The following RASA1 variants were observed in gnomAD, a reference collection of about 807,000 sequenced individuals.
RASA1 encodes ras GTPase-activating protein 1.
A neutral mutation model predicts 132.2 loss-of-function variants in RASA1; 25 were observed. That is an observed-to-expected ratio of 0.19 (90% CI 0.14 to 0.26). The LOEUF is 0.26. Ranked by LOEUF, RASA1 falls within the 10% of genes least tolerant of loss-of-function variation. RASA1 has a pLI of 1.00. For missense variants in RASA1, 964 were observed against 1,299.2 expected (o/e 0.74, Z 3.97); for synonymous variants, 477 against 449.9 (o/e 1.06, Z -0.76).
Position 87,287,148 on chromosome 5 carries a change from G to T in RASA1, c.539+18158G>T, listed in dbSNP as rs182248545. Among the ~76,000 whole-genome samples, 428 of 95,826 alleles carry T rather than the reference G, an allele frequency of 4.5e-3. 6 individuals are homozygous for T. Among genetic ancestry groups the T allele is most frequent in the African/African-American group, 0.018 (414 of 23,472 alleles). 62.9% of individuals were successfully genotyped at this position (95,826 alleles called of 152,430 possible). ...TACACACCATATATATATACACACC[G>T]TATATATACACTGTATATATACACA... is the stretch of plus-strand genomic sequence containing the variant. On this transcript the variant is annotated intron_variant, in intron 1 of 24. Transcript: ENST00000274376.
At chr5:87,309,802 T>G (rs945471596) in intron 1 of RASA1, among the ~76,000 whole-genome samples, 1 of 152,160 alleles carries the variant, frequency 6.6e-6, no homozygotes, top group African/African-American at 2.4e-5. Context: ...AAAAATACTT[T>G]AACTTGTTTA....
At chr5:87,275,038 A>G (rs1006171685) in intron 1 of RASA1, among the ~76,000 whole-genome samples, 8 of 152,180 alleles carry the variant, frequency 5.3e-5, no homozygotes, top group Admixed American at 1.3e-4. Context: ...ACAGGCAAAC[A>G]TTACTGGCAA....
intron 24 of RASA1, 101 bp from the exon 25 acceptor site, chr5:87,390,699 C>A: frequency 1.1e-6 from 1 of 877,288 alleles, no homozygotes; most frequent in Non-Finnish European, 1.9e-6. Context: ...ATATTTTATG[C>A]ATCCTTTTGC....
intron 4 of RASA1, 100 bp from the exon 5 acceptor site, chr5:87,337,874 C>G: frequency 8.1e-7 from 1 of 1,239,228 alleles, no homozygotes; most frequent in Non-Finnish European, 1.1e-6. Context: ...TTACATTTTT[C>G]AATATAATAC....
At chr5:87,278,721 T>TGC (rs1385319127) in intron 1 of RASA1, among the ~76,000 whole-genome samples, 1 of 152,118 alleles carries the variant, frequency 6.6e-6, no homozygotes, top group East Asian at 1.9e-4. Context: ...TTTGTGTGTG[T>TGC]GCATGTATGT....
chr5:87,275,681 C>T (rs565212777), intron 1 of RASA1, among the ~76,000 whole-genome samples: 3 of 152,226 alleles, frequency 2.0e-5, no homozygotes, highest in African/African-American at 7.2e-5. Flanking sequence ...AGCATTTCTC[C>T]TGTCTCAGCC....
Position 87,268,485 on chromosome 5 carries a change from G to T in RASA1, c.34G>T (p.Gly12Cys), listed in dbSNP as rs1753664187. ...GGCCGAGGCCGGCAGTGAGGAGGGC[G>T]GCCCGGTAACAGCCGGAGCTGGAGG... The part of the protein sequence containing the change: ...MAAEAGSEEG[G>C]PVTAGAGGGG... The change falls in exon 1 of 25, where the codon GGC (glycine) becomes TGC (cysteine). Residue 12 changes from glycine to cysteine, a missense_variant. Gly to Cys is a radical substitution (Grantham distance 159). Transcript: ENST00000274376. 30 of 1,556,014 alleles carry T rather than the reference G, an allele frequency of 1.9e-5. No individual in the cohort carries two copies. The highest frequency in any genetic ancestry group is 2.5e-5 in the Non-Finnish European group (29 of 1,151,160).
chr5:87,301,152 A>C (rs1007179975), intron 1 of RASA1, among the ~76,000 whole-genome samples: 2 of 152,238 alleles, frequency 1.3e-5, no homozygotes, highest in African/African-American at 4.8e-5. Flanking sequence ...ACAGCTGGAC[A>C]ACACATTGTT....
At chr5:87,331,081 A>G in intron 1 of RASA1, 1 of 992,732 alleles carries the variant, frequency 1.0e-6, no homozygotes, top group South Asian at 1.7e-5. Flanking sequence ...GCAATCCTGG[A>G]AGTAGGGAGA....
intron 7 of RASA1, among the ~76,000 whole-genome samples, chr5:87,348,318 A>G (rs1164781271): frequency 1.3e-5 from 2 of 152,026 alleles, no homozygotes; most frequent in African/African-American, 4.8e-5. Flanking sequence ...ATATCTAATA[A>G]TCTAAGCATT....
Position 87,379,786 on chromosome 5 carries a change from C to A in RASA1, c.2539C>A (p.His847Asn). 1.9e-6 allele frequency: 3 copies of A among 1,612,880 alleles called. No individual in the cohort carries two copies. The highest frequency in any genetic ancestry group is 1.7e-6 in the Non-Finnish European group (2 of 1,179,188). The change falls in exon 19 of 25, where the codon CAC becomes AAC. Residue 847 changes from histidine to asparagine, a missense_variant. Physicochemically the swap from His to Asn is moderately conservative, Grantham distance 68. Transcript: ENST00000274376. ...KNEDVNTNLTHLLNILSELVE... is the reference protein window; with the variant it reads ...KNEDVNTNLTNLLNILSELVE... ...TGAAGATGTGAACACTAATTTAACA[C>A]ACCTATTGAACATACTTTCAGAGCT...
At chr5:87,331,567 C>T in intron 2 of RASA1, 67 bp downstream of exon 2, 3 of 1,531,034 alleles carry the variant, frequency 2.0e-6, no homozygotes, top group Middle Eastern at 2.1e-4. Flanking sequence ...CATAAATATA[C>T]CTGTATAATA....
rs781156239 is a variant in RASA1 at position 87,383,704 on chromosome 5, C to T, written c.2691-9C>T. 6.2e-7 allele frequency: 1 copy of T among 1,603,508 alleles called. No individual in the cohort carries two copies. Among genetic ancestry groups the T allele is most frequent in the Non-Finnish European group, 8.5e-7 (1 of 1,175,094 alleles). On this transcript the variant is annotated splice_polypyrimidine_tract_variant and intron_variant, in intron 20 of 24. Coordinates refer to ENST00000274376, the MANE Select transcript of RASA1 (RefSeq NM_002890.3). ...AAAAAAAAAAAAAAAAAATTTCCCT[C>T]CCATTCAGTGGTTTTGTTTTTCTTC...
chr5:87,355,728 C>T (rs955854657), intron 9 of RASA1, among the ~76,000 whole-genome samples: 2 of 152,020 alleles, frequency 1.3e-5, no homozygotes, highest in Non-Finnish European at 2.9e-5. Context: ...CATTGAAAAC[C>T]CTTTGGAAAG....
intron 8 of RASA1, among the ~76,000 whole-genome samples, chr5:87,350,282 A>C (rs1759166953): frequency 6.6e-6 from 1 of 151,846 alleles, no homozygotes; most frequent in Admixed American, 6.6e-5. Context: ...CCTCATATAC[A>C]GGTTGCTTGA....
intron 2 of RASA1, 96 bp from the exon 3 acceptor site, chr5:87,332,411 T>A: frequency 8.0e-7 from 1 of 1,244,434 alleles, no homozygotes; most frequent in Non-Finnish European, 1.1e-6. Context: ...AGGAAAAGAG[T>A]ATGGAAATTA....
chr5:87,379,073 G>A (rs1580392094), intron 18 of RASA1, among the ~76,000 whole-genome samples: 1 of 152,260 alleles, frequency 6.6e-6, no homozygotes, highest in Non-Finnish European at 1.5e-5. Flanking sequence ...CAACTACAAA[G>A]AAATAATATA....
chr5:87,305,697 C>T (rs1372376814), intron 1 of RASA1, among the ~76,000 whole-genome samples: 1 of 152,186 alleles, frequency 6.6e-6, no homozygotes, highest in African/African-American at 2.4e-5. Flanking sequence ...AGTAAACAGA[C>T]AACCCACAGA....
At chr5:87,358,594 C>T (rs1759836106) in intron 9 of RASA1, among the ~76,000 whole-genome samples, 1 of 152,332 alleles carries the variant, frequency 6.6e-6, no homozygotes, top group South Asian at 2.1e-4. Context: ...GCATGCTGCG[C>T]AGCAGTCACT....
Sources: gnomAD v4.1 joint callset for allele counts (sites outside exome capture counted in the v4.1 genomes callset) on GRCh38, gnomAD v4.1.1 for gene constraint, MANE v1.5 for transcripts, NCBI Gene and HGNC (gene_info 2026-07-23, HGNC 2026-07-21) for gene names.